Variants in EXOC2 observed in about 807,000 individuals in gnomAD.
EXOC2 encodes the protein exocyst complex component 2.
In EXOC2, 70 loss-of-function variants were observed where a neutral mutation model predicts 131.8. That is an observed-to-expected ratio of 0.53 (90% CI 0.44 to 0.65). The LOEUF (loss-of-function observed/expected upper bound fraction) is 0.65. Ranked by LOEUF, EXOC2 falls within the 30% of genes least tolerant of loss-of-function variation. The probability of loss-of-function intolerance (pLI) is 0.00; values close to 1 mark genes in which losing one functional copy is unlikely to be tolerated. For synonymous variants in EXOC2, 411 were observed against 398.4 expected (o/e 1.03, Z -0.38); for missense variants, 923 against 1,108.6 (o/e 0.83, Z 2.38).
intron 22 of EXOC2, among the ~76,000 whole-genome samples, chr6:544,891 T>TA (rs1370892032): frequency 5.3e-5 from 8 of 152,180 alleles, no homozygotes; most frequent in African/African-American, 1.7e-4. Flanking sequence ...CTCACGCCTG[T>TA]AATCCCAGCA....
intron 6 of EXOC2, 97 bp downstream of exon 6, chr6:617,614 A>C: frequency 4.9e-6 from 7 of 1,433,028 alleles, no homozygotes; most frequent in Non-Finnish European, 6.5e-6. Flanking sequence ...TACTTTGATA[A>C]AAACAGACCG....
chr6:556,601 G>C lies in EXOC2; in HGVS notation c.1852-37C>G, dbSNP rs1457562924. The C allele has an allele frequency of 8.7e-6, 14 of 1,608,590 alleles. No homozygotes were observed. The Admixed American group carries it at 1.7e-4, about 19-fold the overall frequency. Reference sequence around the variant, plus strand: ...ACAGCATATTGTAAAACTCAAAAATGAGCACTGGCTGTGAAGACATGTTTA... The same window carrying C: ...ACAGCATATTGTAAAACTCAAAAATCAGCACTGGCTGTGAAGACATGTTTA... On this transcript the variant is annotated intron_variant, in intron 17 of 27. Coordinates refer to ENST00000230449, the MANE Select transcript of EXOC2 (RefSeq NM_018303.6).
chr6:628,482 A>G (rs1388177123), intron 4 of EXOC2, among the ~76,000 whole-genome samples: 2 of 152,362 alleles, frequency 1.3e-5, no homozygotes, highest in South Asian at 2.1e-4. Context: ...GGGGAGGTAG[A>G]GAGAACAGGG....
chr6:497,892 C>T (rs1763834701), intron 24 of EXOC2, among the ~76,000 whole-genome samples: 1 of 152,240 alleles, frequency 6.6e-6, no homozygotes, highest in Non-Finnish European at 1.5e-5. Context: ...TCCTTAAACT[C>T]TGACAAACAC....
At chr6:678,205 A>G (rs1056205815) in intron 1 of EXOC2, among the ~76,000 whole-genome samples, 5 of 152,240 alleles carry the variant, frequency 3.3e-5, no homozygotes, top group Admixed American at 3.3e-4. Flanking sequence ...TTGTTCAGCC[A>G]TGGAGAGGGA....
intron 23 of EXOC2, among the ~76,000 whole-genome samples, chr6:530,363 A>C (rs964863252): frequency 1.3e-5 from 2 of 152,240 alleles, no homozygotes; most frequent in Non-Finnish European, 2.9e-5. Flanking sequence ...GCTGAGTGTC[A>C]CAGACTGCAC....
chr6:601,084 G>A (rs75138011), intron 7 of EXOC2, among the ~76,000 whole-genome samples: 3,136 of 152,178 alleles, frequency 0.021, 129 homozygotes, highest in African/African-American at 0.072. Context: ...CTTCTTTAGG[G>A]CTACTAATAA....
intron 7 of EXOC2, among the ~76,000 whole-genome samples, chr6:603,765 A>G (rs1458475121): frequency 6.6e-6 from 1 of 152,190 alleles, no homozygotes; most frequent in Non-Finnish European, 1.5e-5. Flanking sequence ...ACTTGGGTTA[A>G]ATCATTCAAT....
intron 1 of EXOC2, among the ~76,000 whole-genome samples, chr6:652,257 T>C (rs1354461421): frequency 6.6e-6 from 1 of 152,212 alleles, no homozygotes; most frequent in Non-Finnish European, 1.5e-5. Context: ...TCCCATGTTA[T>C]AACTTTAATA....
At chr6:608,344 A>C (rs1419119015) in intron 7 of EXOC2, among the ~76,000 whole-genome samples, 1 of 152,240 alleles carries the variant, frequency 6.6e-6, no homozygotes, top group Admixed American at 6.5e-5. Context: ...CTGAATTAGG[A>C]AAAACATATC....
chr6:513,463 C>T (rs541937560), intron 23 of EXOC2, among the ~76,000 whole-genome samples: 2 of 152,336 alleles, frequency 1.3e-5, no homozygotes, highest in South Asian at 2.1e-4. Context: ...TACAACCCGA[C>T]CGTAGAGTAC....
At chr6:593,667 A>G (rs1162035370) in intron 10 of EXOC2, among the ~76,000 whole-genome samples, 1 of 152,244 alleles carries the variant, frequency 6.6e-6, no homozygotes, top group Non-Finnish European at 1.5e-5. Context: ...GTCCAAATGA[A>G]TTTATTGTCT....
At chr6:610,665 T>C (rs1358939644) in intron 6 of EXOC2, among the ~76,000 whole-genome samples, 1 of 152,234 alleles carries the variant, frequency 6.6e-6, no homozygotes, top group Admixed American at 6.5e-5. Context: ...TCTGAAACAT[T>C]GCTGGGTCCC....
chr6:579,006 T>C (rs960881565), intron 11 of EXOC2, among the ~76,000 whole-genome samples: 3 of 152,138 alleles, frequency 2.0e-5, no homozygotes, highest in Admixed American at 6.5e-5. Flanking sequence ...TAAAAATACA[T>C]ATAAAAACTT....
At chr6:687,943 C>T (rs1764740785) in intron 1 of EXOC2, among the ~76,000 whole-genome samples, 1 of 152,162 alleles carries the variant, frequency 6.6e-6, no homozygotes, top group South Asian at 2.1e-4. Flanking sequence ...GTATAAAGGC[C>T]AACAGAAGGA....
At chr6:680,020 G>T (rs996013817) in intron 1 of EXOC2, among the ~76,000 whole-genome samples, 3 of 91,786 alleles carry the variant, frequency 3.3e-5, no homozygotes, top group Middle Eastern at 5.2e-3. Flanking sequence ...TACTCCGGAT[G>T]ACTATTTTTT....
chr6:649,555 G>C (rs989008879), intron 1 of EXOC2, among the ~76,000 whole-genome samples: 3 of 152,188 alleles, frequency 2.0e-5, no homozygotes, highest in African/African-American at 7.2e-5. Flanking sequence ...CCAGACTCAT[G>C]TTAATTCACC....
At chr6:647,221 G>T (rs57849517) in intron 1 of EXOC2, among the ~76,000 whole-genome samples, 1 of 152,058 alleles carries the variant, frequency 6.6e-6, no homozygotes, top group Non-Finnish European at 1.5e-5. Flanking sequence ...ATCACATAAA[G>T]AACCAAATTT....
chr6:494,190 T>C (rs2127472229), intron 25 of EXOC2, among the ~76,000 whole-genome samples: 1 of 152,300 alleles, frequency 6.6e-6, no homozygotes. Context: ...AGCAGAAGCT[T>C]TTGCAACAGA....
Sources: allele counts gnomAD v4.1 joint callset (sites outside exome capture counted in the v4.1 genomes callset), GRCh38; gene constraint gnomAD v4.1.1; transcripts MANE v1.5; gene names NCBI Gene and HGNC (gene_info 2026-07-23, HGNC 2026-07-21).